The following TPM1 variants were observed in gnomAD, a reference collection of about 807,000 sequenced individuals.
The protein encoded by TPM1 is tropomyosin alpha-1 chain.
Under a neutral mutation model 42.9 loss-of-function variants are expected in TPM1, and 24 were observed. The ratio of observed to expected loss-of-function variants is 0.56; its 90% CI spans 0.41 to 0.79. TPM1 has a LOEUF of 0.79. Ranked by LOEUF, TPM1 falls within the 30% of genes least tolerant of loss-of-function variation. TPM1 has a pLI of 0.00. For synonymous variants in TPM1, 136 were observed against 130.1 expected, an observed-to-expected ratio of 1.05 and a Z score of -0.31; for missense variants, 158 against 351.8, an observed-to-expected ratio of 0.45 and a Z score of 4.41.
At chr15:63,063,451 T>C (rs2035913895) in intron 8 of TPM1, 4 of 891,416 alleles carry the variant, frequency 4.5e-6, no homozygotes, top group South Asian at 5.1e-5. Context: ...GTGGCGCCCA[T>C]TGCTTTTCAA....
rs1367202044 is a variant in TPM1, at chr15:63,048,351, C to G, written c.240+4199C>G. ...CCAGCCAGTCCCGGGATCCACGGCG[C>G]GCGCCCCTCCCAGCCGCGCGCGCCC... On this transcript the variant is annotated intron_variant, in intron 2 of 9. Transcript: ENST00000403994. 2.5e-6 allele frequency: 3 copies of G among 1,207,532 alleles called. No homozygotes were observed. The South Asian group carries it at 5.0e-5, about 20-fold the overall frequency. The allele number at this position is 1,207,532 out of a possible 1,614,324, so 74.8% of individuals were successfully genotyped here. A position where few individuals can be genotyped will look rare whatever the true frequency, so the allele number is the denominator to read the frequency against.
chr15:63,043,451 T>C, intron 1 of TPM1: 2 of 674,304 alleles, frequency 3.0e-6, no homozygotes, highest in Non-Finnish European at 5.4e-6. Context: ...AGTGGCGTTC[T>C]TCTGTGTCCC....
chr15:63,063,982 G>A lies in TPM1; in HGVS notation c.773-82G>A, dbSNP rs28660606. 211,221 of 1,574,104 alleles carry A rather than the reference G, an allele frequency of 0.13. 15,877 individuals are homozygous for A. Among genetic ancestry groups the A allele is most frequent in the Admixed American group, 0.29 (16,463 of 56,068 alleles). ...TTTCTTGCTGCTGTGTTGGGATGGT[G>A]CGCGCACCACCCTCACTCACCCTCC... On this transcript the variant is annotated intron_variant, in intron 8 of 9. Transcript: ENST00000403994.
intron 8 of TPM1, chr15:63,063,445 CGCCCA>C: frequency 1.1e-6 from 1 of 916,532 alleles, no homozygotes; most frequent in Non-Finnish European, 1.3e-6. Flanking sequence ...TAAAGTGTGG[CGCCCA>C]TTGCTTTTCA....
At chr15:63,064,932 A>C (rs1465190211) in intron 9 of TPM1, 23 of 931,462 alleles carry the variant, frequency 2.5e-5, no homozygotes, top group Non-Finnish European at 2.9e-5. Context: ...GCACCACCGC[A>C]CTCCAGCCTG....
rs2036236934 is a variant in TPM1 at position 63,065,909 on chromosome 15, C to T, written c.*10C>T. Reference sequence around the variant, plus strand: ...ATCTTCACGCAGATAAGTTTCTTTGCTTCACTTCTCCCAAGACTCCCTCGT... The same window carrying T: ...ATCTTCACGCAGATAAGTTTCTTTGTTTCACTTCTCCCAAGACTCCCTCGT... On this transcript the variant is annotated 3_prime_UTR_variant, in exon 10 of 10. Transcript: ENST00000403994. The T allele has an allele frequency of 1.9e-6, 3 of 1,605,762 alleles. No individual in the cohort carries two copies. In the South Asian group the frequency reaches 3.3e-5, roughly 18 times the overall value.
intron 8 of TPM1, chr15:63,062,892 A>G (rs1186932035): frequency 1.3e-6 from 2 of 1,487,154 alleles, no homozygotes; most frequent in Non-Finnish European, 1.8e-6. Flanking sequence ...CATGCTCATT[A>G]CAAGTGTGGC....
chr15:63,063,503 C>T (rs1030875725), intron 8 of TPM1: 5 of 341,928 alleles, frequency 1.5e-5, no homozygotes, highest in African/African-American at 1.1e-4. Context: ...GGGAAGACCA[C>T]AGGAGTAGCT....
At chr15:63,069,800 C>G, downstream of TPM1, 1 of 1,599,398 alleles carries the variant, frequency 6.3e-7, no homozygotes. Context: ...TATTAACTGC[C>G]TCTCACCAAG....
chr15:63,065,638 T>C (rs1368329674), intron 9 of TPM1: 3 of 984,846 alleles, frequency 3.0e-6, no homozygotes, highest in African/African-American at 1.7e-5. Context: ...GAAAGACGAG[T>C]GTAGCTTAAA....
chr15:63,065,843 T>C (rs1008249311), intron 9 of TPM1, 53 bp from the exon 10 acceptor site: 147 of 1,574,624 alleles, frequency 9.3e-5, no homozygotes, highest in Non-Finnish European at 1.1e-4. Context: ...CTTTTTTTTT[T>C]TTTTCTCATT....
At chr15:63,053,864 TAG>T (rs996409015) in intron 2 of TPM1, among the ~76,000 whole-genome samples, 4 of 151,968 alleles carry the variant, frequency 2.6e-5, no homozygotes, top group African/African-American at 9.7e-5. Context: ...GTGTTTTTTG[TAG>T]AGACGGGGTT....
downstream of TPM1, chr15:63,070,635 A>G (rs1453630189): frequency 1.0e-6 from 1 of 1,002,588 alleles, no homozygotes; most frequent in African/African-American, 1.7e-5. Flanking sequence ...AGTTCTCAGA[A>G]AACCTATTTA....
intron 9 of TPM1, 164 bp downstream of exon 9, chr15:63,064,306 T>C (rs899673457): frequency 3.3e-6 from 5 of 1,516,454 alleles, no homozygotes; most frequent in African/African-American, 2.8e-5. Flanking sequence ...TCTGCTAATA[T>C]AAAGGCCAAT....
chr15:63,053,045 C>T (rs1040134070), intron 2 of TPM1, among the ~76,000 whole-genome samples: 1 of 152,178 alleles, frequency 6.6e-6, no homozygotes. Flanking sequence ...CTGGCTTTAA[C>T]CTCAAAGCCC....
intron 5 of TPM1, chr15:63,061,248 A>G: frequency 1.2e-6 from 2 of 1,614,200 alleles, no homozygotes; most frequent in Non-Finnish European, 1.7e-6. Flanking sequence ...CAGACCTTGA[A>G]AGCATTAATG....
intron 3 of TPM1, among the ~76,000 whole-genome samples, chr15:63,058,091 T>G (rs2035073057): frequency 6.6e-6 from 1 of 152,220 alleles, no homozygotes. Flanking sequence ...TTTTAGGCCA[T>G]TATTCACCGC....
At chr15:63,058,155 G>A (rs546356965) in intron 3 of TPM1, among the ~76,000 whole-genome samples, 2 of 152,290 alleles carry the variant, frequency 1.3e-5, no homozygotes, top group South Asian at 4.1e-4. Flanking sequence ...AGATGACTAA[G>A]CATCTTACAG....
chr15:63,044,003 C>A lies in TPM1; in HGVS notation c.115-24C>A, dbSNP rs768021011. ...CTGCCTGCTGCACCCCCCTCCCTCC[C>A]TGTACCCCCTGGCCAACTCCCAGCT... On this transcript the variant is annotated intron_variant, in intron 1 of 9. Coordinates refer to ENST00000403994, the MANE Select transcript of TPM1 (RefSeq NM_001018005.2). 69 of 1,611,578 alleles carry A rather than the reference C, an allele frequency of 4.3e-5. 1 individual carries two copies. The South Asian group carries it at 7.2e-4, about 17-fold the overall frequency.
Sources: allele counts gnomAD v4.1 joint callset (sites outside exome capture counted in the v4.1 genomes callset), GRCh38; gene constraint gnomAD v4.1.1; transcripts MANE v1.5; gene names NCBI Gene and HGNC (gene_info 2026-07-23, HGNC 2026-07-21).